Variants in SOX5 observed in about 807,000 individuals in gnomAD.
The protein encoded by SOX5 is SRY-box transcription factor 5.
Under a neutral mutation model 92.0 loss-of-function variants are expected in SOX5, and 9 were observed. The ratio of observed to expected loss-of-function variants is 0.10; its 90% confidence interval spans 0.06 to 0.17. The LOEUF is 0.17. Among genes scored for constraint, SOX5 ranks in the 10% least tolerant of loss-of-function variants. SOX5 has a pLI of 1.00. For synonymous variants in SOX5, 344 were observed against 336.3 expected, an observed-to-expected ratio of 1.02 and a Z score of -0.25; for missense variants, 642 against 944.5, an observed-to-expected ratio of 0.68 and a Z score of 4.20.
intron 4 of SOX5, among the ~76,000 whole-genome samples, chr12:24,026,901 T>A (rs1056460103): frequency 1.3e-5 from 2 of 151,992 alleles, no homozygotes; most frequent in African/African-American, 4.8e-5. Context: ...TATAAACAGC[T>A]GAGCCTTTAA....
rs777406674 is a variant in SOX5, at chr12:23,536,556, G to A, written c.1885C>T (p.Pro629Ser). Residue 629 changes from proline (P) to serine (S), a missense_variant, in exon 14 of 15, where the codon CCA becomes TCA. Around this residue, in one of 8 missense-constraint regions of SOX5, gnomAD observed 21 missense variants for 52.3 expected, o/e 0.40. Transcript: ENST00000451604. ...CCATCCACCAGGCAGGTGCGCTTTGGCCTGGGCTTGTACTTATAGTCAGGG... is the reference window on the plus strand; with the variant it reads ...CCATCCACCAGGCAGGTGCGCTTTGACCTGGGCTTGTACTTATAGTCAGGG... The part of the protein sequence containing the change: ...KYPDYKYKPR[P>S]KRTCLVDGKK... The A allele has an allele frequency of 6.2e-7, 1 of 1,614,164 alleles. No homozygotes were observed. The highest frequency in any genetic ancestry group is 2.2e-5 in the East Asian group (1 of 44,878).
chr12:24,489,124 C>A (rs1946802654), intron 1 of SOX5, among the ~76,000 whole-genome samples: 2 of 152,168 alleles, frequency 1.3e-5, no homozygotes, highest in South Asian at 4.1e-4. Context: ...CCTTTTTATG[C>A]CAACACACAC....
intron 4 of SOX5, among the ~76,000 whole-genome samples, chr12:24,111,842 T>A (rs561485039): frequency 2.6e-5 from 4 of 152,310 alleles, no homozygotes; most frequent in African/African-American, 9.6e-5. Flanking sequence ...AAATTATTTT[T>A]CCTTGACCTT....
chr12:23,746,090 C>T (rs936028124), intron 4 of SOX5, among the ~76,000 whole-genome samples: 1 of 152,118 alleles, frequency 6.6e-6, no homozygotes, highest in Non-Finnish European at 1.5e-5. Flanking sequence ...AAATCTTCAC[C>T]ATTTTTACAA....
chr12:24,203,643 G>C (rs1180263484), intron 4 of SOX5, among the ~76,000 whole-genome samples: 3 of 152,038 alleles, frequency 2.0e-5, no homozygotes, highest in Non-Finnish European at 4.4e-5. Context: ...ACAATCCTAG[G>C]AGACATTTGA....
intron 2 of SOX5, among the ~76,000 whole-genome samples, chr12:24,356,664 C>T (rs1256115684): frequency 1.3e-5 from 2 of 152,078 alleles, no homozygotes; most frequent in Non-Finnish European, 2.9e-5. Context: ...TCTCAGCGCA[C>T]CTCAGTTCCT....
chr12:23,975,472 C>T lies in SOX5; in HGVS notation c.-1-79448G>A, dbSNP rs76847583. On this transcript the variant is annotated intron_variant, in intron 4 of 4. Transcript: ENST00000446891. ...CATTTATGTTGGTTGTTCTGAACTA[C>T]GGTTTGTTTTATCTTTGTTAGGGTC... 0.037 allele frequency among the ~76,000 whole-genome samples: 5,617 copies of T among 152,030 alleles called. 550 individuals are homozygous for T. In the East Asian group the frequency reaches 0.39, roughly 10 times the overall value.
At position 24,051,712 on chromosome 12, in the gene SOX5, A is replaced by T. The variant is rs374391825; in HGVS notation, c.-1-155688T>A. Among the ~76,000 whole-genome samples, 6 of 152,330 alleles carry T rather than the reference A, an allele frequency of 3.9e-5. No homozygotes were observed. In the East Asian group the frequency reaches 1.2e-3, roughly 29 times the overall value. ...CTTCTAAGGGAGATTATTTGTCATAATAGCAGTCAAAACACGTAGTTAGTA... is the reference window on the plus strand; with the variant it reads ...CTTCTAAGGGAGATTATTTGTCATATTAGCAGTCAAAACACGTAGTTAGTA... On this transcript the variant is annotated intron_variant, in intron 4 of 4. Transcript: ENST00000446891.
At chr12:23,975,977 T>C (rs1045945507) in intron 4 of SOX5, among the ~76,000 whole-genome samples, 6 of 152,152 alleles carry the variant, frequency 3.9e-5, no homozygotes, top group Non-Finnish European at 2.9e-5. Context: ...ATAGTCAATA[T>C]AATTCATTTT....
chr12:23,623,580 A>T (rs2077426627), intron 8 of SOX5, among the ~76,000 whole-genome samples: 1 of 152,140 alleles, frequency 6.6e-6, no homozygotes, highest in South Asian at 2.1e-4. Flanking sequence ...ACCTACCTAA[A>T]GTGAGAAATA....
intron 3 of SOX5, among the ~76,000 whole-genome samples, chr12:24,244,483 C>G (rs541669934): frequency 6.6e-6 from 1 of 152,314 alleles, no homozygotes; most frequent in East Asian, 1.9e-4. Flanking sequence ...CCACTCCTCA[C>G]ATAGGCAGGA....
intron 3 of SOX5, among the ~76,000 whole-genome samples, chr12:24,254,718 A>AATATATAT (rs10556060): frequency 4.1e-5 from 6 of 146,606 alleles, no homozygotes; most frequent in East Asian, 4.0e-4. Flanking sequence ...GGGCTGCTCA[A>AATATATAT]ATATATATAT....
chr12:23,692,798 G>A (rs536198865), intron 6 of SOX5, among the ~76,000 whole-genome samples: 22 of 152,226 alleles, frequency 1.4e-4, no homozygotes, highest in African/African-American at 4.8e-4. Context: ...CTGTGGTTAT[G>A]TCACTATCTC....
At chr12:23,624,348 A>C (rs182892231) in intron 8 of SOX5, among the ~76,000 whole-genome samples, 76 of 152,280 alleles carry the variant, frequency 5.0e-4, no homozygotes, top group Middle Eastern at 3.4e-3. Flanking sequence ...TTTTATGTTA[A>C]ACATATTTTA....
At chr12:24,247,242 C>T (rs989147317) in intron 3 of SOX5, among the ~76,000 whole-genome samples, 6 of 21,570 alleles carry the variant, frequency 2.8e-4, no homozygotes, top group Non-Finnish European at 6.0e-4. Context: ...AAACATTAAT[C>T]GACCAATGAA....
At chr12:24,273,232 C>G (rs1400448005) in intron 3 of SOX5, among the ~76,000 whole-genome samples, 1 of 152,304 alleles carries the variant, frequency 6.6e-6, no homozygotes, top group East Asian at 1.9e-4. Context: ...GCACTCCAGC[C>G]TGGGCCACCC....
At chr12:23,714,090 CA>C (rs545073798) in intron 6 of SOX5, among the ~76,000 whole-genome samples, 4,567 of 94,576 alleles carry the variant, frequency 0.048, 70 homozygotes, top group African/African-American at 0.076. Context: ...GACTCCGCCT[CA>C]AAAAAAAAAA....
intron 1 of SOX5, among the ~76,000 whole-genome samples, chr12:23,921,023 A>G (rs1207323334): frequency 1.3e-5 from 2 of 152,220 alleles, no homozygotes; most frequent in Non-Finnish European, 2.9e-5. Flanking sequence ...AGTGTCTGAT[A>G]CATGAAATAT....
At chr12:23,827,429 C>G (rs1349909374) in intron 3 of SOX5, among the ~76,000 whole-genome samples, 1 of 152,182 alleles carries the variant, frequency 6.6e-6, no homozygotes, top group Admixed American at 6.5e-5. Flanking sequence ...TTCCTTACCC[C>G]TTTGCAGAAC....
Sources: gnomAD v4.1 joint callset for allele counts (sites outside exome capture counted in the v4.1 genomes callset) on GRCh38, gnomAD v4.1.1 for gene constraint, gnomAD v4.1.1 regional missense constraint, MANE v1.5 for transcripts, NCBI Gene and HGNC (gene_info 2026-07-23, HGNC 2026-07-21) for gene names.